The following TEKTL1 variants were observed in gnomAD, a reference collection of about 807,000 sequenced individuals.
TEKTL1 encodes tektin-like protein 1.
the TEKTL1 span, chr19:15,021,949 C>T: frequency 6.6e-7 from 1 of 1,526,464 alleles, no homozygotes; most frequent in Middle Eastern, 1.7e-4. Flanking sequence ...CCCCTCTAGG[C>T]CCAGCCCCGC....
At chr19:15,011,749 A>AAG in the TEKTL1 span, among the ~76,000 whole-genome samples, 1 of 151,748 alleles carries the variant, frequency 6.6e-6, no homozygotes, top group East Asian at 1.9e-4. Context: ...AAAAAAAAAA[A>AAG]AAATATTTCC....
chr19:15,013,281 C>T, the TEKTL1 span, among the ~76,000 whole-genome samples: 16 of 152,216 alleles, frequency 1.1e-4, no homozygotes, highest in East Asian at 3.1e-3. Flanking sequence ...CCCTCATCAT[C>T]CGTATGATAT....
chr19:15,020,494 T>C, the TEKTL1 span: 48 of 1,613,460 alleles, frequency 3.0e-5, no homozygotes, highest in African/African-American at 2.7e-5. Context: ...TCTGAACTTC[T>C]GCTTCAAGGA....
At chr19:15,011,266 T>G in the TEKTL1 span, 8 of 1,518,122 alleles carry the variant, frequency 5.3e-6, no homozygotes, top group Non-Finnish European at 7.0e-6. Context: ...AGCACCAGAT[T>G]AACGGGCGGG....
At chr19:15,020,326 G>A in the TEKTL1 span, 28 of 718,530 alleles carry the variant, frequency 3.9e-5, no homozygotes, top group East Asian at 7.6e-4. Flanking sequence ...AAAAAAATGA[G>A]AGTGTCAGTT....
the TEKTL1 span, among the ~76,000 whole-genome samples, chr19:15,014,577 A>G: frequency 1.3e-5 from 2 of 152,022 alleles, no homozygotes; most frequent in African/African-American, 4.8e-5. Context: ...CATTTAAAAA[A>G]GCATTGGACC....
At chr19:15,023,096 A>T in the TEKTL1 span, 2 of 1,607,246 alleles carry the variant, frequency 1.2e-6, no homozygotes, top group Non-Finnish European at 8.5e-7. Flanking sequence ...GCCGCCGCGC[A>T]GCAAGAGCAG....
chr19:15,021,957 C>G, the TEKTL1 span: 26 of 1,501,172 alleles, frequency 1.7e-5, no homozygotes, highest in Admixed American at 4.3e-4. Flanking sequence ...GGCCCAGCCC[C>G]GCCAATGGTA....
chr19:15,011,085 C>T, the TEKTL1 span: 1 of 1,570,248 alleles, frequency 6.4e-7, no homozygotes, highest in Non-Finnish European at 8.6e-7. Flanking sequence ...TTGGAGAAGC[C>T]GCCGCCAGGC....
the TEKTL1 span, chr19:15,021,579 G>C: frequency 6.2e-7 from 1 of 1,613,434 alleles, no homozygotes; most frequent in Non-Finnish European, 8.5e-7. Flanking sequence ...CGCGGACTGG[G>C]AGCCAGCGTG....
At chr19:15,013,089 G>A in the TEKTL1 span, among the ~76,000 whole-genome samples, 3 of 152,144 alleles carry the variant, frequency 2.0e-5, no homozygotes, top group Admixed American at 2.0e-4. Context: ...CATCCAGGGA[G>A]AAAGAGTAAG....
At chr19:15,010,800 C>T in the TEKTL1 span, 1 of 1,502,200 alleles carries the variant, frequency 6.7e-7, no homozygotes, top group Non-Finnish European at 8.9e-7. Flanking sequence ...GGGTTCCCGG[C>T]CAGGCCGAGA....
the TEKTL1 span, chr19:15,022,924 G>C: frequency 7.5e-6 from 12 of 1,609,020 alleles, no homozygotes; most frequent in Admixed American, 1.7e-4. Context: ...ACCTGGACGA[G>C]CTGCTCGCCA....
chr19:15,021,392 T>G, the TEKTL1 span: 1 of 1,614,210 alleles, frequency 6.2e-7, no homozygotes, highest in Non-Finnish European at 8.5e-7. Flanking sequence ...CGGTTGTTGG[T>G]CGAGTCCAAG....
At chr19:15,021,530 T>G in the TEKTL1 span, 1 of 1,613,712 alleles carries the variant, frequency 6.2e-7, no homozygotes, top group East Asian at 2.2e-5. Flanking sequence ...GTGAGCGCAT[T>G]ACCTGCGGCT....
At chr19:15,021,586 C>G in the TEKTL1 span, 35 of 1,613,128 alleles carry the variant, frequency 2.2e-5, no homozygotes, top group Non-Finnish European at 2.9e-5. Flanking sequence ...TGGGAGCCAG[C>G]GTGATCCCCC....
At chr19:15,013,828 G>A in the TEKTL1 span, 1 of 1,179,156 alleles carries the variant, frequency 8.5e-7, no homozygotes, top group Non-Finnish European at 1.2e-6. Context: ...ATCCCTGGCT[G>A]CCTAATGGAC....
At chr19:15,020,712 T>G in the TEKTL1 span, 1 of 1,489,052 alleles carries the variant, frequency 6.7e-7, no homozygotes, top group South Asian at 1.2e-5. Flanking sequence ...TCCCCTTGAC[T>G]GTCAGTGCAG....
At chr19:15,021,938 AC>A in the TEKTL1 span, 2 of 1,538,686 alleles carry the variant, frequency 1.3e-6, no homozygotes, top group South Asian at 2.4e-5. Flanking sequence ...CCTCCCCCGT[AC>A]CCCTCTAGGC....
Sources: gnomAD v4.1 joint callset for allele counts (sites outside exome capture counted in the v4.1 genomes callset) on GRCh38, gnomAD v4.1.1 for gene constraint, MANE v1.5 for transcripts, NCBI Gene and HGNC (gene_info 2026-07-23, HGNC 2026-07-21) for gene names.